SMG7: variants seen among roughly 807,000 people sequenced by gnomAD.
SMG7 encodes the protein nonsense-mediated mRNA decay factor SMG7.
SMG7 carries 34 observed loss-of-function variants against 148.2 expected under a neutral mutation model. The observed-to-expected ratio is 0.23, with a 90% CI of 0.17 to 0.31. The LOEUF (loss-of-function observed/expected upper bound fraction) is 0.31, where lower values mean the gene tolerates loss of function less well. Among genes scored for constraint, SMG7 ranks in the 10% least tolerant of loss-of-function variants. The probability of loss-of-function intolerance (pLI) is 1.00; values close to 1 mark genes in which losing one functional copy is unlikely to be tolerated. For missense variants in SMG7, 1,114 were observed against 1,408.4 expected, an observed-to-expected ratio of 0.79 and a Z score of 3.35; for synonymous variants, 492 against 515.1, an observed-to-expected ratio of 0.96 and a Z score of 0.61.
At chr1:183,537,919 C>T (rs1668092186) in intron 11 of SMG7, among the ~76,000 whole-genome samples, 1 of 152,134 alleles carries the variant, frequency 6.6e-6, no homozygotes, top group South Asian at 2.1e-4. Flanking sequence ...TAAATCCATG[C>T]TCCTCAGGCA....
chr1:183,549,981 A>G, intron 20 of SMG7, 58 bp downstream of exon 20: 1 of 1,119,192 alleles, frequency 8.9e-7, no homozygotes, highest in Non-Finnish European at 1.3e-6. Context: ...AGATTGATTA[A>G]GGGATAGTGA....
chr1:183,516,054 A>G, intron 3 of SMG7, 63 bp downstream of exon 3: 1 of 1,005,950 alleles, frequency 9.9e-7, no homozygotes, highest in East Asian at 2.5e-5. Flanking sequence ...AGACTTTAAA[A>G]CAGTTTGGTT....
chr1:183,507,301 A>G (rs1451717642), intron 1 of SMG7, among the ~76,000 whole-genome samples: 2 of 152,196 alleles, frequency 1.3e-5, no homozygotes, highest in Admixed American at 6.5e-5. Context: ...ATTTTCCTCT[A>G]GTAACATTAT....
At chr1:183,515,406 T>A (rs1663249444) in intron 2 of SMG7, among the ~76,000 whole-genome samples, 1 of 152,182 alleles carries the variant, frequency 6.6e-6, no homozygotes, top group South Asian at 2.1e-4. Flanking sequence ...TAAGGACATT[T>A]GTGGGAGTCC....
At chr1:183,531,628 C>A (rs1490708842) in intron 8 of SMG7, among the ~76,000 whole-genome samples, 2 of 152,056 alleles carry the variant, frequency 1.3e-5, no homozygotes, top group African/African-American at 2.4e-5. Flanking sequence ...CTTATATTAT[C>A]ATTTGTTAGT....
At chr1:183,517,650 T>G in intron 3 of SMG7, 38 bp from the exon 4 acceptor site, 1 of 1,608,232 alleles carries the variant, frequency 6.2e-7, no homozygotes, top group Non-Finnish European at 8.5e-7. Context: ...GCCCAGTGAG[T>G]CACTGCTATA....
chr1:183,528,830 A>G, intron 6 of SMG7, 62 bp from the exon 7 acceptor site: 2 of 1,388,474 alleles, frequency 1.4e-6, no homozygotes, highest in Non-Finnish European at 2.0e-6. Flanking sequence ...GATCATTTGT[A>G]TTCTTATAGC....
intron 1 of SMG7, among the ~76,000 whole-genome samples, chr1:183,480,028 G>A (rs1018691160): frequency 3.9e-5 from 6 of 152,142 alleles, no homozygotes; most frequent in African/African-American, 1.4e-4. Flanking sequence ...GTAGGTTTAT[G>A]GACAGAGAAG....
chr1:183,472,603 C>A lies in SMG7; in HGVS notation c.-18C>A. On this transcript the variant is annotated 5_prime_UTR_variant, in exon 1 of 23. Coordinates refer to ENST00000688051, the MANE Select transcript of SMG7 (RefSeq NM_001375584.1). ...CCCACGGAGGCTTCGCGGGAAGACG[C>A]GGCGGCGGCGGCGGAGGATGAGCCT... 1.5e-6 allele frequency: 2 copies of A among 1,376,092 alleles called. No individual in the cohort carries two copies. Among genetic ancestry groups the A allele is most frequent in the African/African-American group, 1.5e-5 (1 of 67,386 alleles). 85.2% of individuals were successfully genotyped at this position (1,376,092 alleles called of 1,614,324 possible).
chr1:183,485,788 A>G (rs1302407531), intron 1 of SMG7, among the ~76,000 whole-genome samples: 1 of 152,240 alleles, frequency 6.6e-6, no homozygotes, highest in South Asian at 2.1e-4. Flanking sequence ...TTTTGCATGT[A>G]TGAAATTTAA....
chr1:183,537,135 T>C lies in SMG7; in HGVS notation c.1164-10T>C, dbSNP rs1218436166. The C allele has an allele frequency of 1.9e-6, 3 of 1,605,886 alleles. No homozygotes were observed. The highest frequency in any genetic ancestry group is 2.2e-5 in the East Asian group (1 of 44,792). ...AAAAATAAAGTCTGAACTCTTTCTT[T>C]AATTTACAGCATTTGGCCCTGGTTG... is the stretch of plus-strand genomic sequence containing the variant. On this transcript the variant is annotated splice_polypyrimidine_tract_variant and intron_variant, in intron 10 of 22. Transcript: ENST00000688051.
chr1:183,508,727 A>G (rs76387220), intron 1 of SMG7, among the ~76,000 whole-genome samples: 1 of 152,046 alleles, frequency 6.6e-6, no homozygotes, highest in Non-Finnish European at 1.5e-5. Context: ...GGGGATACAG[A>G]AAAAAAAGTT....
intron 4 of SMG7, among the ~76,000 whole-genome samples, chr1:183,518,858 G>T (rs994533814): frequency 2.6e-5 from 4 of 152,198 alleles, no homozygotes; most frequent in Non-Finnish European, 5.9e-5. Context: ...TGCACTGAAA[G>T]AAATCTTTGG....
At chr1:183,499,285 T>A (rs10911346) in intron 1 of SMG7, among the ~76,000 whole-genome samples, 30 of 152,102 alleles carry the variant, frequency 2.0e-4, no homozygotes, top group Admixed American at 1.7e-3. Context: ...ATACCTAGAG[T>A]CATATGGTAA....
chr1:183,542,651 G>GA (rs892806746), intron 14 of SMG7, 149 bp downstream of exon 14: 1 of 619,232 alleles, frequency 1.6e-6, no homozygotes, highest in Admixed American at 3.3e-5. Flanking sequence ...AAAGAGCTGT[G>GA]ATAGATGGTT....
Position 183,553,253 on chromosome 1 carries a change from G to A in SMG7, c.*1322G>A, listed in dbSNP as rs1251951705. 3 of 1,471,596 alleles carry A rather than the reference G, an allele frequency of 2.0e-6. No homozygotes were observed. Among genetic ancestry groups the A allele is most frequent in the Admixed American group, 4.3e-5 (2 of 46,812 alleles). The allele number at this position is 1,471,596 out of a possible 1,614,324, so 91.2% of individuals were successfully genotyped here. ...GAAAGAGGACTGAAAATGTTCTTGT[G>A]TAGAAACAGAAGGACAGCATTTCTG... On this transcript the variant is annotated 3_prime_UTR_variant, in exon 23 of 23. Coordinates refer to ENST00000688051, the MANE Select transcript of SMG7 (RefSeq NM_001375584.1).
rs763397206 is a variant in SMG7, at chr1:183,545,234, A to G, written c.2292A>G (p.Leu764=). ...QSTSQLQVQA[L]TQQQQSPTKA... is the part of the protein sequence containing the mutation. ...CAAGCCAGCTGCAGGTTCAAGCTCTAACTCAGCAACAACAATCCCCTACAA... is the reference window on the plus strand; with the variant it reads ...CAAGCCAGCTGCAGGTTCAAGCTCTGACTCAGCAACAACAATCCCCTACAA... The change falls in exon 16 of 23, where the codon CTA becomes CTG. Residue 764 remains leucine, a synonymous_variant. Coordinates refer to ENST00000688051, the MANE Select transcript of SMG7 (RefSeq NM_001375584.1). 6.2e-7 allele frequency: 1 copy of G among 1,614,044 alleles called. No individual in the cohort carries two copies. The highest frequency in any genetic ancestry group is 1.3e-5 in the African/African-American group (1 of 75,040).
chr1:183,490,981 T>G (rs1656818579), intron 1 of SMG7, among the ~76,000 whole-genome samples: 1 of 152,224 alleles, frequency 6.6e-6, no homozygotes, highest in Non-Finnish European at 1.5e-5. Flanking sequence ...AGCTGGGGTT[T>G]CGCCATGTTG....
At chr1:183,511,957 A>G (rs1483440671) in intron 1 of SMG7, among the ~76,000 whole-genome samples, 1 of 152,222 alleles carries the variant, frequency 6.6e-6, no homozygotes, top group African/African-American at 2.4e-5. Flanking sequence ...ATTTGCTAAG[A>G]TGAAACAACC....
Sources: gnomAD v4.1 joint callset for allele counts (sites outside exome capture counted in the v4.1 genomes callset) on GRCh38, gnomAD v4.1.1 for gene constraint, MANE v1.5 for transcripts, NCBI Gene and HGNC (gene_info 2026-07-23, HGNC 2026-07-21) for gene names.